Variants in GRIN2A observed in about 807,000 individuals in gnomAD.
The protein encoded by GRIN2A is glutamate ionotropic receptor NMDA type subunit 2A, also known as glutamate receptor ionotropic, NMDA 2A.
In GRIN2A, 22 loss-of-function variants were observed where a neutral mutation model predicts 113.4. That is an observed-to-expected ratio of 0.19 (90% CI 0.14 to 0.28). GRIN2A has a LOEUF of 0.28. Ranked by LOEUF, GRIN2A falls within the 10% of genes least tolerant of loss-of-function variation. The probability of loss-of-function intolerance (pLI) is 1.00; values close to 1 mark genes in which losing one functional copy is unlikely to be tolerated. For missense variants in GRIN2A, 1,502 were observed against 1,887.0 expected (o/e 0.80, Z 3.78); for synonymous variants, 827 against 738.4 (o/e 1.12, Z -1.94).
At chr16:9,853,885 A>G (rs916855307) in intron 4 of GRIN2A, among the ~76,000 whole-genome samples, 4 of 152,178 alleles carry the variant, frequency 2.6e-5, no homozygotes. Flanking sequence ...AAAAAAACCC[A>G]TTATATAATT....
intron 7 of GRIN2A, among the ~76,000 whole-genome samples, chr16:9,839,022 C>T (rs1277485877): frequency 6.6e-6 from 1 of 151,996 alleles, no homozygotes; most frequent in Non-Finnish European, 1.5e-5. Context: ...TCCATATAAC[C>T]AAAAATCACT....
intron 3 of GRIN2A, among the ~76,000 whole-genome samples, chr16:9,895,075 T>A (rs1317875557): frequency 6.6e-6 from 1 of 152,146 alleles, no homozygotes; most frequent in Non-Finnish European, 1.5e-5. Context: ...ATGAAAATGA[T>A]ACAAAAATGA....
intron 11 of GRIN2A, among the ~76,000 whole-genome samples, chr16:9,781,887 T>C (rs1901954950): frequency 6.6e-6 from 1 of 152,222 alleles, no homozygotes; most frequent in Non-Finnish European, 1.5e-5. Flanking sequence ...ATAAAGATGA[T>C]GACATTTTAT....
At chr16:10,061,484 C>T (rs117037559) in intron 2 of GRIN2A, among the ~76,000 whole-genome samples, 2 of 152,222 alleles carry the variant, frequency 1.3e-5, no homozygotes, top group Non-Finnish European at 2.9e-5. Flanking sequence ...TACTCATTTC[C>T]ACTCATTCAC....
intron 3 of GRIN2A, among the ~76,000 whole-genome samples, chr16:9,898,246 C>A (rs890573913): frequency 5.3e-5 from 8 of 151,960 alleles, no homozygotes; most frequent in African/African-American, 1.9e-4. Flanking sequence ...TCTTTTTCCA[C>A]CCTGTCATAT....
intron 10 of GRIN2A, among the ~76,000 whole-genome samples, chr16:9,811,633 A>G (rs1283427531): frequency 2.0e-5 from 3 of 152,150 alleles, no homozygotes; most frequent in Non-Finnish European, 4.4e-5. Context: ...GGTGGTGCAC[A>G]TTTGTGGTCC....
At position 10,094,345 on chromosome 16, in the gene GRIN2A, A is replaced by C. The variant is rs188698899; in HGVS notation, c.414+85653T>G. Among the ~76,000 whole-genome samples, 1,441 of 152,268 alleles carry C rather than the reference A, an allele frequency of 9.5e-3. 14 individuals carry two copies. The highest frequency in any genetic ancestry group is 0.051 in the South Asian group (247 of 4,818). On this transcript the variant is annotated intron_variant, in intron 2 of 12. Coordinates refer to ENST00000330684, the MANE Select transcript of GRIN2A (RefSeq NM_001134407.3). ...TGTGACTTTGAGCTGGTCATTCCCT[A>C]TCTCTTAATAACAGCTTCTTCATCT...
At chr16:10,143,276 C>A (rs2049366569) in intron 2 of GRIN2A, among the ~76,000 whole-genome samples, 1 of 152,114 alleles carries the variant, frequency 6.6e-6, no homozygotes, top group Non-Finnish European at 1.5e-5. Context: ...GCCTCCTTAA[C>A]GTGGTGTATT....
chr16:9,952,429 T>C (rs752013293), intron 2 of GRIN2A, among the ~76,000 whole-genome samples: 6 of 151,848 alleles, frequency 4.0e-5, no homozygotes, highest in Non-Finnish European at 7.4e-5. Flanking sequence ...CCACTGGGAA[T>C]GTGAGCAGCT....
intron 2 of GRIN2A, among the ~76,000 whole-genome samples, chr16:10,002,037 T>C (rs2046329851): frequency 2.0e-5 from 3 of 152,190 alleles, no homozygotes. Flanking sequence ...ATATCATCAT[T>C]ATTATCAGCA....
intron 2 of GRIN2A, among the ~76,000 whole-genome samples, chr16:10,104,774 A>T (rs4782252): frequency 0.25 from 37,970 of 152,088 alleles, 5,553 homozygotes; most frequent in Non-Finnish European, 0.32. Context: ...TCCCATGAAC[A>T]TCGTAGACCC....
At chr16:9,907,429 A>G (rs938778102) in intron 3 of GRIN2A, among the ~76,000 whole-genome samples, 2 of 152,176 alleles carry the variant, frequency 1.3e-5, no homozygotes, top group African/African-American at 2.4e-5. Flanking sequence ...AACTACAGAC[A>G]CAGAGAAGAG....
chr16:10,050,358 C>T (rs576288062), intron 2 of GRIN2A, among the ~76,000 whole-genome samples: 1 of 152,088 alleles, frequency 6.6e-6, no homozygotes, highest in Non-Finnish European at 1.5e-5. Flanking sequence ...AGGTGAGCGG[C>T]AGGTGAGCAA....
At chr16:9,988,554 C>G (rs527303420) in intron 2 of GRIN2A, among the ~76,000 whole-genome samples, 3 of 152,062 alleles carry the variant, frequency 2.0e-5, no homozygotes, top group East Asian at 3.9e-4. Flanking sequence ...CTCTCTCTCT[C>G]TCTCTCTCTA....
chr16:9,948,300 C>G (rs1345963017), intron 2 of GRIN2A, among the ~76,000 whole-genome samples: 1 of 152,228 alleles, frequency 6.6e-6, no homozygotes, highest in Non-Finnish European at 1.5e-5. Context: ...AGGCAGTTCT[C>G]AAACTCCAAT....
At chr16:10,019,100 C>T (rs1329745759) in intron 2 of GRIN2A, among the ~76,000 whole-genome samples, 2 of 121,910 alleles carry the variant, frequency 1.6e-5, no homozygotes, top group Admixed American at 8.4e-5. Context: ...AGTTTGTGAC[C>T]TTGAGCAAAT....
intron 1 of GRIN2A, chr16:10,181,566 G>A (rs1289863552): frequency 6.6e-6 from 1 of 152,266 alleles, no homozygotes; most frequent in Non-Finnish European, 1.5e-5. Context: ...ATGAACTGCG[G>A]CAGGTGCACA....
chr16:9,764,208 G>A lies in GRIN2A; in HGVS notation c.3336C>T (p.Ser1112=), dbSNP rs2141133333. 1 of 1,390,536 alleles carries A rather than the reference G, an allele frequency of 7.2e-7. No homozygotes were observed. Among genetic ancestry groups the A allele is most frequent in the Non-Finnish European group, 9.4e-7 (1 of 1,061,570 alleles). 86.1% of individuals were successfully genotyped at this position (1,390,536 alleles called of 1,614,324 possible). The change falls in exon 13 of 13, where the codon TCC becomes TCT. Residue 1112 remains serine (S), a synonymous_variant. Transcript: ENST00000330684. ...CTATAGTGTAGATCTTGTCTCTAGG[G>A]GAGCTTGATTTGGTTTTCAGGTAGG... is the stretch of plus-strand genomic sequence containing the variant. ...ERTYLKTKSS[S]PRDKIYTIDG...
chr16:10,137,541 G>A (rs890414410), intron 2 of GRIN2A, among the ~76,000 whole-genome samples: 5 of 152,162 alleles, frequency 3.3e-5, no homozygotes, highest in African/African-American at 9.7e-5. Context: ...AACGGAGGAC[G>A]AAGTTCAAAC....
Sources: allele counts gnomAD v4.1 joint callset (sites outside exome capture counted in the v4.1 genomes callset), GRCh38; gene constraint gnomAD v4.1.1; transcripts MANE v1.5; gene names NCBI Gene and HGNC (gene_info 2026-07-23, HGNC 2026-07-21).